The following KIF26B variants were observed in gnomAD, a reference collection of about 807,000 sequenced individuals.
KIF26B encodes kinesin family member 26B, also known as kinesin-like protein KIF26B.
KIF26B carries 63 observed loss-of-function variants against 151.2 expected under a neutral mutation model. That is an observed-to-expected ratio of 0.42 (90% CI 0.34 to 0.51). The LOEUF (loss-of-function observed/expected upper bound fraction) is 0.51, where lower values mean the gene tolerates loss of function less well. Ranked by LOEUF, KIF26B falls within the 20% of genes least tolerant of loss-of-function variation. KIF26B has a pLI of 0.07. For missense variants in KIF26B, 2,813 were observed against 2,913.6 expected (o/e 0.97, Z 0.79); for synonymous variants, 1,357 against 1,262.1 (o/e 1.08, Z -1.59).
chr1:245,687,485 C>G lies in KIF26B; in HGVS notation c.4502C>G (p.Pro1501Arg). ...SSSSGEVSAS[P>R]VTDNFRRVVD... is the part of the protein sequence containing the mutation. Reference sequence around the variant, plus strand: ...AGCAGCGGAGAGGTGTCGGCCTCCCCGGTCACTGACAACTTCAGGAGGGTC... The same window carrying G: ...AGCAGCGGAGAGGTGTCGGCCTCCCGGGTCACTGACAACTTCAGGAGGGTC... The change falls in exon 12 of 15, where the codon CCG becomes CGG. Residue 1501 changes from proline to arginine, a missense_variant. Pro to Arg is a moderately radical substitution (Grantham distance 103, BLOSUM62 -2). Transcript: ENST00000407071. The surrounding 1 kb of genome is among the most constrained non-coding windows in gnomAD (Gnocchi z 4.9). 2.5e-6 allele frequency: 4 copies of G among 1,582,598 alleles called. 1 individual carries two copies. The highest frequency in any genetic ancestry group is 3.4e-6 in the Non-Finnish European group (4 of 1,164,684).
At chr1:245,440,958 C>T (rs1436168682) in intron 4 of KIF26B, among the ~76,000 whole-genome samples, 2 of 152,182 alleles carry the variant, frequency 1.3e-5, no homozygotes, top group African/African-American at 2.4e-5. Context: ...ATGCGAGAGG[C>T]ATTTCACCCA....
intron 4 of KIF26B, among the ~76,000 whole-genome samples, chr1:245,451,486 C>T (rs1659388309): frequency 6.7e-6 from 1 of 148,890 alleles, no homozygotes; most frequent in South Asian, 2.1e-4. Flanking sequence ...TTGAGATTTG[C>T]TCTGAGTTAG....
Position 245,687,439 on chromosome 1 carries a change from C to G in KIF26B, c.4456C>G (p.Pro1486Ala). Residue 1486 changes from proline (P) to alanine (A), a missense_variant, in exon 12 of 15, where the codon CCG (proline) becomes GCG (alanine). Around this residue, in one of 3 missense-constraint regions of KIF26B, gnomAD observed 2,060 missense variants for 2,088.6 expected, o/e 0.99. Coordinates refer to ENST00000407071, the MANE Select transcript of KIF26B (RefSeq NM_018012.4). The surrounding 1 kb of genome is among the most constrained non-coding windows in gnomAD (Gnocchi z 4.9). Reference sequence around the variant, plus strand: ...GCAGGAGCAGGACGGAAAGCCCAGTCCGGGAGACAGGCTCAGCAGCAGCAG... The same window carrying G: ...GCAGGAGCAGGACGGAAAGCCCAGTGCGGGAGACAGGCTCAGCAGCAGCAG... ...AEQEQDGKPS[P>A]GDRLSSSSGE... 1 of 1,588,662 alleles carries G rather than the reference C, an allele frequency of 6.3e-7. No homozygotes were observed. Among genetic ancestry groups the G allele is most frequent in the East Asian group, 2.3e-5 (1 of 43,568 alleles).
chr1:245,701,882 G>A (rs913442656), intron 14 of KIF26B, among the ~76,000 whole-genome samples: 9 of 152,244 alleles, frequency 5.9e-5, no homozygotes, highest in Admixed American at 5.2e-4. Context: ...CCCTCTGCCC[G>A]GCCACCTCTG....
chr1:245,407,452 C>T (rs950840396), intron 3 of KIF26B, among the ~76,000 whole-genome samples: 2 of 151,304 alleles, frequency 1.3e-5, no homozygotes, highest in African/African-American at 4.9e-5. Flanking sequence ...TTTTTTCTTC[C>T]TTCTCCCATT....
rs1474700168 is a variant in KIF26B, at chr1:245,698,732, G to A, written c.6028-155G>A. ...CTACCTTGTGAGGTGTCTGAATTGA[G>A]GTCTGTCAAGGGAGAATTTGGTGGG... On this transcript the variant is annotated intron_variant, in intron 13 of 14. Coordinates refer to ENST00000407071, the MANE Select transcript of KIF26B (RefSeq NM_018012.4). This position sits in a 1 kb window ranked among gnomAD's most constrained non-coding sequence, Gnocchi z 4.0. Among the ~76,000 whole-genome samples, 1 of 152,134 alleles carries A rather than the reference G, an allele frequency of 6.6e-6. No homozygotes were observed. Among genetic ancestry groups the A allele is most frequent in the Non-Finnish European group, 1.5e-5 (1 of 68,024 alleles).
chr1:245,225,034 G>T (rs556175277), intron 2 of KIF26B, among the ~76,000 whole-genome samples: 9 of 152,312 alleles, frequency 5.9e-5, no homozygotes, highest in African/African-American at 2.2e-4. Context: ...TTCCAGATGA[G>T]TTTCCAAGGT....
At chr1:245,641,526 TC>T (rs1472882883) in intron 9 of KIF26B, among the ~76,000 whole-genome samples, 1 of 150,022 alleles carries the variant, frequency 6.7e-6, no homozygotes, top group African/African-American at 2.5e-5. Flanking sequence ...TCCTTCTTAT[TC>T]TTTTTTTTCT....
At chr1:245,532,248 C>CTTTTTT (rs74163062) in intron 4 of KIF26B, among the ~76,000 whole-genome samples, 69 of 121,444 alleles carry the variant, frequency 5.7e-4, no homozygotes, top group African/African-American at 7.2e-4. Context: ...CTTTTCTTTT[C>CTTTTTT]TTTTTTTTTT....
At chr1:245,211,657 AAG>A (rs1467704004) in intron 2 of KIF26B, among the ~76,000 whole-genome samples, 3 of 152,074 alleles carry the variant, frequency 2.0e-5, no homozygotes, top group African/African-American at 7.2e-5. Flanking sequence ...CTCAGCCTCT[AAG>A]AGCTCTGGGA....
intron 10 of KIF26B, among the ~76,000 whole-genome samples, chr1:245,670,704 A>G (rs2044276415): frequency 6.6e-6 from 1 of 152,168 alleles, no homozygotes; most frequent in South Asian, 2.1e-4. Context: ...AAAAGAATGT[A>G]TCTTTCAATT....
chr1:245,555,626 C>A (rs1056816101), intron 5 of KIF26B, among the ~76,000 whole-genome samples: 1 of 152,084 alleles, frequency 6.6e-6, no homozygotes, highest in Non-Finnish European at 1.5e-5. Flanking sequence ...TACAAGAAGG[C>A]TGGAAAGACA....
At chr1:245,354,089 C>T (rs144456460) in intron 2 of KIF26B, among the ~76,000 whole-genome samples, 4 of 152,186 alleles carry the variant, frequency 2.6e-5, no homozygotes, top group East Asian at 1.9e-4. Flanking sequence ...GGGCACCTCC[C>T]GCCAAACGCT....
intron 2 of KIF26B, among the ~76,000 whole-genome samples, chr1:245,221,251 A>G (rs140810071): frequency 6.6e-6 from 1 of 152,274 alleles, no homozygotes; most frequent in East Asian, 1.9e-4. Context: ...GGTCAACCCA[A>G]AGAAAGAAGG....
chr1:245,600,042 T>G (rs1350998331), intron 5 of KIF26B, among the ~76,000 whole-genome samples: 1 of 151,014 alleles, frequency 6.6e-6, no homozygotes, highest in Non-Finnish European at 1.5e-5. Flanking sequence ...CCTTATCATG[T>G]TTTGTTTTGT....
At chr1:245,646,015 C>G in intron 9 of KIF26B, 106 bp from the exon 10 acceptor site, 1 of 1,221,050 alleles carries the variant, frequency 8.2e-7, no homozygotes. Flanking sequence ...CAACCTTTTA[C>G]TTCCCCTTCT....
rs58192966 is a variant in KIF26B, at chr1:245,451,585, C to CTTTTTTTTTTTTTT, written c.1166+31855_1166+31868dup. On this transcript the variant is annotated intron_variant, in intron 4 of 14. Transcript: ENST00000407071. ...TATAATATGTATCCAGAAGATCTAT[C>CTTTTTTTTTTTTTT]TTTTTTTTTTTTTTTTTTTTTTTTT... 7.5e-4 allele frequency among the ~76,000 whole-genome samples: 44 copies of CTTTTTTTTTTTTTT among 58,752 alleles called. 1 individual carries two copies. Among genetic ancestry groups the CTTTTTTTTTTTTTT allele is most frequent in the African/African-American group, 9.9e-4 (14 of 14,086 alleles). The allele number at this position is 58,752 out of a possible 152,430, so 38.5% of individuals were successfully genotyped here.
At chr1:245,455,186 C>T (rs994250534) in intron 4 of KIF26B, among the ~76,000 whole-genome samples, 1 of 152,126 alleles carries the variant, frequency 6.6e-6, no homozygotes, top group East Asian at 1.9e-4. Flanking sequence ...GATTTCTGAA[C>T]CCCTAAGCGT....
intron 4 of KIF26B, among the ~76,000 whole-genome samples, chr1:245,458,617 C>G (rs1036467959): frequency 1.3e-5 from 2 of 152,126 alleles, no homozygotes; most frequent in Non-Finnish European, 2.9e-5. Flanking sequence ...ATAGAAAGGT[C>G]AAATAAAATT....
Sources: gnomAD v4.1 joint callset for allele counts (sites outside exome capture counted in the v4.1 genomes callset) on GRCh38, gnomAD v4.1.1 for gene constraint, gnomAD v4.1.1 regional missense constraint, Gnocchi (gnomAD v3.1) non-coding constraint, MANE v1.5 for transcripts, NCBI Gene and HGNC (gene_info 2026-07-23, HGNC 2026-07-21) for gene names.